SPRTN: variants seen among roughly 807,000 people sequenced by gnomAD.
The protein encoded by SPRTN is SprT-like N-terminal domain.
A neutral mutation model predicts 31.9 loss-of-function variants in SPRTN; 11 were observed. The observed-to-expected ratio is 0.34, with a 90% CI of 0.22 to 0.57. The LOEUF (loss-of-function observed/expected upper bound fraction) is 0.57. Ranked by LOEUF, SPRTN falls within the 20% of genes least tolerant of loss-of-function variation. The pLI is 0.86. For synonymous variants in SPRTN, 185 were observed against 212.1 expected (o/e 0.87, Z 1.11); for missense variants, 482 against 590.1 (o/e 0.82, Z 1.90).
intron 3 of SPRTN, among the ~76,000 whole-genome samples, chr1:231,350,576 G>C (rs920780406): frequency 1.3e-5 from 2 of 152,052 alleles, no homozygotes; most frequent in South Asian, 4.1e-4. Flanking sequence ...AATTTTATTT[G>C]ACTCAATGAA....
rs767996263 is a variant in SPRTN, at chr1:231,338,488, G to T, written c.105G>T (p.Ser35=). 5.6e-6 allele frequency: 9 copies of T among 1,614,264 alleles called. No homozygotes were observed. Among genetic ancestry groups the T allele is most frequent in the South Asian group, 1.1e-5 (1 of 91,084 alleles). ...AQESLSLVDA[S]WELVDPTPDL... Reference sequence around the variant, plus strand: ...AGTCCCTGTCGCTAGTGGACGCGTCGTGGGAGTTGGTGGACCCCACACCGG... The same window carrying T: ...AGTCCCTGTCGCTAGTGGACGCGTCTTGGGAGTTGGTGGACCCCACACCGG... Residue 35 remains serine (S), a synonymous_variant, in exon 1 of 5, where the codon TCG becomes TCT. Transcript: ENST00000295050.
chr1:231,339,203 A>G (rs1268547740), intron 1 of SPRTN, among the ~76,000 whole-genome samples: 4 of 152,358 alleles, frequency 2.6e-5, no homozygotes, highest in Admixed American at 2.0e-4. Context: ...TTTTGAGTTG[A>G]TAGAAAACAA....
chr1:231,354,201 G>T lies in SPRTN; in HGVS notation c.*840G>T, dbSNP rs1687324409. The T allele has an allele frequency of 3.1e-6, 3 of 981,334 alleles. No homozygotes were observed. The highest frequency in any genetic ancestry group is 3.6e-6 in the Non-Finnish European group (3 of 826,260). The allele number at this position is 981,334 out of a possible 1,614,324, so 60.8% of individuals were successfully genotyped here. Reference sequence around the variant, plus strand: ...CTGGAAATAGTATTTTGAACTTTAAGCCAAGTTTAAAACATTATAATAAAA... The same window carrying T: ...CTGGAAATAGTATTTTGAACTTTAATCCAAGTTTAAAACATTATAATAAAA... On this transcript the variant is annotated 3_prime_UTR_variant, in exon 5 of 5. Coordinates refer to ENST00000295050, the MANE Select transcript of SPRTN (RefSeq NM_032018.7).
chr1:231,353,855 TTTA>T lies in SPRTN; in HGVS notation c.*498_*500del. The T allele has an allele frequency of 2.1e-6, 2 of 954,550 alleles. No homozygotes were observed. Among genetic ancestry groups the T allele is most frequent in the Non-Finnish European group, 2.5e-6 (2 of 801,744 alleles). The allele number at this position is 954,550 out of a possible 1,614,324, so 59.1% of individuals were successfully genotyped here. On this transcript the variant is annotated 3_prime_UTR_variant, in exon 5 of 5. Transcript: ENST00000295050. ...GTTTTAGAGTACTCAAATTGTATTA[TTTA>T]TTAATTTTTTTGTTTGCAAAATCTT...
intron 2 of SPRTN, chr1:231,347,548 G>A (rs966883058): frequency 2.8e-6 from 1 of 359,020 alleles, no homozygotes; most frequent in Non-Finnish European, 5.0e-6. Flanking sequence ...TTTTTTTGTA[G>A]AGACAGGGTT....
intron 2 of SPRTN, among the ~76,000 whole-genome samples, chr1:231,345,673 C>G (rs1687036944): frequency 6.6e-6 from 1 of 152,160 alleles, no homozygotes; most frequent in African/African-American, 2.4e-5. Context: ...TTAGATGCTA[C>G]CAAATTTTCC....
chr1:231,342,400 A>G (rs1018382736), intron 2 of SPRTN, among the ~76,000 whole-genome samples: 5 of 152,156 alleles, frequency 3.3e-5, no homozygotes, highest in East Asian at 3.8e-4. Flanking sequence ...CCATAAGATT[A>G]TAAGACCATA....
intron 3 of SPRTN, among the ~76,000 whole-genome samples, chr1:231,348,295 T>A (rs894940146): frequency 6.6e-6 from 1 of 152,214 alleles, no homozygotes; most frequent in East Asian, 1.9e-4. Context: ...AATTCTTCTT[T>A]GATTCATATC....
rs189568570 is a variant in SPRTN, at chr1:231,348,665, C to G, written c.450+740C>G. On this transcript the variant is annotated intron_variant, in intron 3 of 4. Transcript: ENST00000295050. ...CTGCCTTTCCTCAGGTGTAGCTTCC[C>G]TGAGGCGTGCCACTGCTCTGTTTTG... Among the ~76,000 whole-genome samples the G allele has an allele frequency of 6.5e-3, 987 of 152,250 alleles. 4 individuals are homozygous for G. The highest frequency in any genetic ancestry group is 0.014 in the Middle Eastern group (4 of 294).
chr1:231,353,501 A>G lies in SPRTN; in HGVS notation c.*140A>G, dbSNP rs1226318746. On this transcript the variant is annotated 3_prime_UTR_variant, in exon 5 of 5. Coordinates refer to ENST00000295050, the MANE Select transcript of SPRTN (RefSeq NM_032018.7). Reference sequence around the variant, plus strand: ...ACCAATAGAAAGTGTCCTATTTTATATATACGCATATAAGATTGTAATTTT... The same window carrying G: ...ACCAATAGAAAGTGTCCTATTTTATGTATACGCATATAAGATTGTAATTTT... The G allele has an allele frequency of 6.5e-6, 9 of 1,391,548 alleles. No individual in the cohort carries two copies. The highest frequency in any genetic ancestry group is 1.8e-5 in the South Asian group (1 of 55,914). 86.2% of individuals were successfully genotyped at this position (1,391,548 alleles called of 1,614,324 possible). A position where few individuals can be genotyped will look rare whatever the true frequency, so the allele number is the denominator to read the frequency against.
In SPRTN at chr1:231,353,184, T is replaced by C; in HGVS notation, c.1293T>C (p.Gly431=). 2 of 1,613,420 alleles carry C rather than the reference T, an allele frequency of 1.2e-6. No homozygotes were observed. Among genetic ancestry groups the C allele is most frequent in the Non-Finnish European group, 1.7e-6 (2 of 1,179,858 alleles). Residue 431 remains glycine, a synonymous_variant, in exon 5 of 5, where the codon GGT becomes GGC. Transcript: ENST00000295050. ...AGAAAGAGCAAATAAAAAGCAGTGG[T>C]AATGATCCAAAGTATAGTACAACCA... The part of the protein sequence containing the change: ...FIKKEQIKSS[G]NDPKYSTTTA...
chr1:231,351,721 C>T (rs2102874283), intron 4 of SPRTN, 150 bp downstream of exon 4: 1 of 1,451,806 alleles, frequency 6.9e-7, no homozygotes. Context: ...AAAAATCCCA[C>T]TGTCCATGAA....
At chr1:231,338,888 A>G (rs995883579) in intron 1 of SPRTN, among the ~76,000 whole-genome samples, 2 of 152,242 alleles carry the variant, frequency 1.3e-5, no homozygotes, top group Non-Finnish European at 2.9e-5. Context: ...CTTGAAAATA[A>G]CAAGTTCCTG....
chr1:231,350,100 G>T (rs773523206), intron 3 of SPRTN, among the ~76,000 whole-genome samples: 1 of 152,150 alleles, frequency 6.6e-6, no homozygotes, highest in Admixed American at 6.5e-5. Flanking sequence ...GTGGTTTCCC[G>T]TGCTTCTTTG....
chr1:231,346,183 CTTTTTTTTTTTTTT>C (rs71583771), intron 2 of SPRTN, among the ~76,000 whole-genome samples: 35 of 89,064 alleles, frequency 3.9e-4, no homozygotes, highest in Non-Finnish European at 6.4e-4. Context: ...CTTTTCTTTT[CTTTTTTTTTTTTTT>C]TTTTTTTTTT....
intron 2 of SPRTN, among the ~76,000 whole-genome samples, chr1:231,345,202 A>G (rs1001847931): frequency 6.6e-6 from 1 of 150,442 alleles, no homozygotes; most frequent in African/African-American, 2.5e-5. Context: ...GCTCACTGCA[A>G]CCTCTGCCTC....
intron 1 of SPRTN, 57 bp downstream of exon 1, chr1:231,338,661 C>G: frequency 6.2e-7 from 1 of 1,601,060 alleles, no homozygotes; most frequent in Non-Finnish European, 8.5e-7. Flanking sequence ...CCTGCAGCCC[C>G]CGGCCCTGGT....
At chr1:231,343,651 A>G (rs182405940) in intron 2 of SPRTN, among the ~76,000 whole-genome samples, 29 of 152,220 alleles carry the variant, frequency 1.9e-4, no homozygotes, top group Non-Finnish European at 1.0e-4. Flanking sequence ...CAAAATGAGG[A>G]TATCCCATTT....
At chr1:231,342,619 C>T (rs60587188) in intron 2 of SPRTN, among the ~76,000 whole-genome samples, 1,892 of 151,468 alleles carry the variant, frequency 0.012, 42 homozygotes, top group African/African-American at 0.043. Flanking sequence ...TTAGTAGAGG[C>T]GGGGTTTCAC....
Sources: gnomAD v4.1 joint callset for allele counts (sites outside exome capture counted in the v4.1 genomes callset) on GRCh38, gnomAD v4.1.1 for gene constraint, MANE v1.5 for transcripts, NCBI Gene and HGNC (gene_info 2026-07-23, HGNC 2026-07-21) for gene names.